Variants in CEP57L1 observed in about 807,000 individuals in gnomAD.
CEP57L1 encodes the protein centrosomal protein CEP57L1.
CEP57L1 carries 37 observed loss-of-function variants against 61.0 expected under a neutral mutation model. That is an observed-to-expected ratio of 0.61 (90% CI 0.47 to 0.80). The LOEUF is 0.80. CEP57L1 is among the 30% of genes least tolerant of loss of function. The probability of loss-of-function intolerance (pLI) is 0.00; values close to 1 mark genes in which losing one functional copy is unlikely to be tolerated. For synonymous variants in CEP57L1, 137 were observed against 162.3 expected (o/e 0.84, Z 1.19); for missense variants, 422 against 524.7 (o/e 0.80, Z 1.91).
intron 1 of CEP57L1, among the ~76,000 whole-genome samples, chr6:109,117,144 A>G (rs1772401873): frequency 1.3e-5 from 2 of 152,188 alleles, no homozygotes; most frequent in Non-Finnish European, 2.9e-5. Flanking sequence ...ATATATATAT[A>G]GTATGTTTGT....
chr6:109,116,397 A>G (rs574664843), intron 1 of CEP57L1, among the ~76,000 whole-genome samples: 1 of 152,206 alleles, frequency 6.6e-6, no homozygotes, highest in South Asian at 2.1e-4. Context: ...GGCTGGTGTC[A>G]AACTCCCTAC....
At chr6:109,109,644 A>G (rs1316945147) in intron 1 of CEP57L1, among the ~76,000 whole-genome samples, 4 of 152,166 alleles carry the variant, frequency 2.6e-5, no homozygotes, top group Non-Finnish European at 5.9e-5. Context: ...GCACCCATCA[A>G]CCCATCATCT....
intron 1 of CEP57L1, among the ~76,000 whole-genome samples, chr6:109,110,070 G>T (rs1771411963): frequency 6.6e-6 from 1 of 152,124 alleles, no homozygotes; most frequent in Non-Finnish European, 1.5e-5. Context: ...TGGGATCACT[G>T]GGTCAAATGG....
At position 109,111,692 on chromosome 6, in the gene CEP57L1, G is replaced by A. The variant is rs146913458; in HGVS notation, c.-4+16117G>A. On this transcript the variant is annotated intron_variant, in intron 1 of 10. Transcript: ENST00000517392. Reference sequence around the variant, plus strand: ...AATAGCTCTTATTATTTTGAGATGCGTTCCATCAATACCTACTTTATTGAG... The same window carrying A: ...AATAGCTCTTATTATTTTGAGATGCATTCCATCAATACCTACTTTATTGAG... Among the ~76,000 whole-genome samples, 520 of 152,200 alleles carry A rather than the reference G, an allele frequency of 3.4e-3. 1 individual carries two copies. The highest frequency in any genetic ancestry group is 0.01 in the African/African-American group (419 of 41,538).
chr6:109,130,669 T>TG (rs1416400423), intron 1 of CEP57L1: 1 of 151,614 alleles, frequency 6.6e-6, no homozygotes, highest in African/African-American at 2.4e-5. Context: ...TTTTGTTTTT[T>TG]TTTTTTTTTT....
chr6:109,145,170 C>A, intron 1 of CEP57L1, 49 bp from the exon 2 acceptor site: 2 of 1,176,054 alleles, frequency 1.7e-6, no homozygotes, highest in South Asian at 2.4e-5. Flanking sequence ...ATGCATTTAC[C>A]CTTAAAATAG....
At position 109,172,789 on chromosome 6, in the gene CEP57L1, A is replaced by G. The variant is rs1011390573; in HGVS notation, c.*9819A>G. ...TGATAAAAGGTTACGCTTAGTATAC[A>G]AAGACCTTCTTATAAGTCTAGTTAA... On this transcript the variant is annotated 3_prime_UTR_variant, in exon 11 of 11. Transcript: ENST00000517392. 2.7e-5 allele frequency among the ~76,000 whole-genome samples: 4 copies of G among 150,414 alleles called. No homozygotes were observed. The highest frequency in any genetic ancestry group is 1.0e-4 in the African/African-American group (4 of 39,720).
chr6:109,172,139 A>G lies in CEP57L1; in HGVS notation c.*9169A>G, dbSNP rs534326892. Among the ~76,000 whole-genome samples, 1 of 152,192 alleles carries G rather than the reference A, an allele frequency of 6.6e-6. No homozygotes were observed. The highest frequency in any genetic ancestry group is 1.5e-5 in the Non-Finnish European group (1 of 68,038). Reference sequence around the variant, plus strand: ...TGGGGGACACCAGGCACAAGCTTCCAGTTGTCCTTCACCTGTGAAGTCATG... The same window carrying G: ...TGGGGGACACCAGGCACAAGCTTCCGGTTGTCCTTCACCTGTGAAGTCATG... On this transcript the variant is annotated 3_prime_UTR_variant, in exon 11 of 11. Transcript: ENST00000517392.
At chr6:109,100,159 TG>T (rs1303255797) in intron 1 of CEP57L1, 1 of 152,218 alleles carries the variant, frequency 6.6e-6, no homozygotes, top group Non-Finnish European at 1.5e-5. Context: ...TGCTTGTTTT[TG>T]TTGATCATCT....
At chr6:109,097,411 A>G (rs1271760753) in intron 1 of CEP57L1, among the ~76,000 whole-genome samples, 1 of 152,216 alleles carries the variant, frequency 6.6e-6, no homozygotes, top group Non-Finnish European at 1.5e-5. Context: ...ACTGTTAAAG[A>G]CAAAACTCCT....
At chr6:109,130,586 T>C (rs1774061221) in intron 1 of CEP57L1, 1 of 151,466 alleles carries the variant, frequency 6.6e-6, no homozygotes, top group Non-Finnish European at 1.5e-5. Flanking sequence ...TGAATACATA[T>C]GCAGAAGTGT....
At position 109,170,579 on chromosome 6, in the gene CEP57L1, C is replaced by T. The variant is rs1481056917; in HGVS notation, c.*7609C>T. 6.6e-6 allele frequency among the ~76,000 whole-genome samples: 1 copy of T among 152,160 alleles called. No homozygotes were observed. The highest frequency in any genetic ancestry group is 2.4e-5 in the African/African-American group (1 of 41,430). ...TCTTGCTGAATTGGAAAGTATTTCA[C>T]TCTTCATCACTGTAGATCCGTTTAA... On this transcript the variant is annotated 3_prime_UTR_variant, in exon 11 of 11. Coordinates refer to ENST00000517392, the MANE Select transcript of CEP57L1 (RefSeq NM_001271852.3).
chr6:109,142,546 C>A (rs886136160), intron 1 of CEP57L1, among the ~76,000 whole-genome samples: 1 of 150,704 alleles, frequency 6.6e-6, no homozygotes, highest in Non-Finnish European at 1.5e-5. Flanking sequence ...CAAACCTGCA[C>A]GTTCTGCACA....
intron 1 of CEP57L1, among the ~76,000 whole-genome samples, chr6:109,134,875 C>G (rs1375509252): frequency 6.6e-6 from 1 of 152,140 alleles, no homozygotes; most frequent in African/African-American, 2.4e-5. Flanking sequence ...AGGACCTCTT[C>G]AAGGAGGACT....
At chr6:109,151,243 G>T (rs1274608492) in intron 4 of CEP57L1, among the ~76,000 whole-genome samples, 2 of 152,212 alleles carry the variant, frequency 1.3e-5, no homozygotes, top group African/African-American at 2.4e-5. Context: ...AGGAACTAGA[G>T]AATTTAATTC....
intron 4 of CEP57L1, among the ~76,000 whole-genome samples, chr6:109,152,131 T>G (rs182365993): frequency 1.8e-4 from 28 of 152,280 alleles, no homozygotes; most frequent in Non-Finnish European, 3.2e-4. Flanking sequence ...TTACCAAGAC[T>G]CTGTTTATTG....
chr6:109,118,597 G>GTTAA (rs1214356399), intron 1 of CEP57L1, among the ~76,000 whole-genome samples: 1 of 152,208 alleles, frequency 6.6e-6, no homozygotes, highest in Non-Finnish European at 1.5e-5. Context: ...CGTCACTGTA[G>GTTAA]TTAACATACT....
intron 1 of CEP57L1, among the ~76,000 whole-genome samples, chr6:109,105,711 T>C (rs886443123): frequency 1.3e-5 from 2 of 152,180 alleles, no homozygotes; most frequent in African/African-American, 4.8e-5. Context: ...ATGTATGTTT[T>C]GAAATTACAT....
rs1249646311 is a variant in CEP57L1, at chr6:109,153,709, G to A, written c.463-124G>A. The A allele has an allele frequency of 1.7e-5, 12 of 692,362 alleles. No homozygotes were observed. The African/African-American group carries it at 2.0e-4, about 12-fold the overall frequency. The allele number at this position is 692,362 out of a possible 1,614,324, so 42.9% of individuals were successfully genotyped here. A position where few individuals can be genotyped will look rare whatever the true frequency, so the allele number is the denominator to read the frequency against. On this transcript the variant is annotated intron_variant, in intron 4 of 10. Transcript: ENST00000517392. ...GTAAGCATCTAAAGTATGTGTGTTT[G>A]TTTATGTACATGTTTCTTAAGATAT...
Sources: gnomAD v4.1 joint callset for allele counts (sites outside exome capture counted in the v4.1 genomes callset) on GRCh38, gnomAD v4.1.1 for gene constraint, MANE v1.5 for transcripts, NCBI Gene and HGNC (gene_info 2026-07-23, HGNC 2026-07-21) for gene names.